The following RNF216 variants were observed in gnomAD, a reference collection of about 807,000 sequenced individuals.
The protein encoded by RNF216 is ring finger protein 216.
A neutral mutation model predicts 110.8 loss-of-function variants in RNF216; 72 were observed. That is an observed-to-expected ratio of 0.65 (90% CI 0.54 to 0.79). The LOEUF (loss-of-function observed/expected upper bound fraction) is 0.79. RNF216 is among the 30% of genes least tolerant of loss of function. RNF216 has a pLI of 0.00. For synonymous variants in RNF216, 495 were observed against 407.5 expected (o/e 1.21, Z -2.59); for missense variants, 1,342 against 1,141.2 (o/e 1.18, Z -2.54).
In RNF216 at chr7:5,739,441, A is replaced by G. The variant is rs569862655; in HGVS notation, c.1045-89T>C. On this transcript the variant is annotated intron_variant, in intron 4 of 16. Transcript: ENST00000389902. ...AGACAGATGGCAAAAAGTATAATAA[A>G]ATGACTAAAGACTAGAAAAGGGCTG... 315 of 1,306,178 alleles carry G rather than the reference A, an allele frequency of 2.4e-4. 1 individual carries two copies. In the South Asian group the frequency reaches 3.7e-3, roughly 15 times the overall value. The allele number at this position is 1,306,178 out of a possible 1,614,324, so 80.9% of individuals were successfully genotyped here. A position where few individuals can be genotyped will look rare whatever the true frequency, so the allele number is the denominator to read the frequency against.
At chr7:5,718,471 T>C (rs1793203777) in intron 9 of RNF216, among the ~76,000 whole-genome samples, 1 of 152,036 alleles carries the variant, frequency 6.6e-6, no homozygotes, top group African/African-American at 2.4e-5. Flanking sequence ...ATTTCAGAAC[T>C]AAAATTTTTA....
intron 13 of RNF216, among the ~76,000 whole-genome samples, chr7:5,681,440 T>C (rs1309261282): frequency 1.3e-5 from 2 of 152,170 alleles, no homozygotes; most frequent in Non-Finnish European, 2.9e-5. Flanking sequence ...CCCAGCAGCT[T>C]CTAAGCTTCT....
chr7:5,710,753 T>C (rs1792628816), intron 13 of RNF216, among the ~76,000 whole-genome samples: 1 of 152,138 alleles, frequency 6.6e-6, no homozygotes. Context: ...ACCCTTTCCA[T>C]CCTTTGGCTA....
At chr7:5,762,385 C>T (rs1055347466) in intron 1 of RNF216, among the ~76,000 whole-genome samples, 3 of 151,106 alleles carry the variant, frequency 2.0e-5, no homozygotes, top group Non-Finnish European at 2.9e-5. Flanking sequence ...AGGCTGGGTG[C>T]GGTGGCTCAA....
chr7:5,708,345 A>G (rs1029324827), intron 13 of RNF216, among the ~76,000 whole-genome samples: 2 of 152,072 alleles, frequency 1.3e-5, no homozygotes, highest in African/African-American at 2.4e-5. Flanking sequence ...ATCTCCTACT[A>G]TTTTTGTGTT....
intron 10 of RNF216, among the ~76,000 whole-genome samples, chr7:5,715,873 T>C (rs1303879955): frequency 1.3e-5 from 2 of 150,684 alleles, no homozygotes; most frequent in African/African-American, 2.4e-5. Flanking sequence ...TCCCGAGTAG[T>C]GGGGATTACA....
rs550036156 is a variant in RNF216 at position 5,651,994 on chromosome 7, T to G, written c.2159+419A>C. Among the ~76,000 whole-genome samples the G allele has an allele frequency of 2.0e-5, 3 of 152,342 alleles. No individual in the cohort carries two copies. In the East Asian group the frequency reaches 5.8e-4, roughly 29 times the overall value. On this transcript the variant is annotated intron_variant, in intron 14 of 16. Coordinates refer to ENST00000389902, the MANE Select transcript of RNF216 (RefSeq NM_207111.4). The stretch of plus-strand genomic sequence containing the variant: ...TGTAATGTGCTCAGCCACACAGTAC[T>G]ATACAAGTAATGGTTATTATTATCA...
chr7:5,687,269 G>A lies in RNF216; in HGVS notation c.2061+24492C>T, dbSNP rs191533754. ...AAATAAACTGGGCATGGTGGCGGGC[G>A]CCTGTAATCTCAGCTACTTGGGAGG... On this transcript the variant is annotated intron_variant, in intron 13 of 16. Transcript: ENST00000389902. 4.4e-3 allele frequency among the ~76,000 whole-genome samples: 664 copies of A among 151,700 alleles called. 3 individuals carry two copies. The highest frequency in any genetic ancestry group is 0.015 in the African/African-American group (633 of 41,354).
intron 15 of RNF216, among the ~76,000 whole-genome samples, chr7:5,640,330 T>C (rs1374841431): frequency 6.6e-6 from 1 of 152,198 alleles, no homozygotes; most frequent in East Asian, 1.9e-4. Flanking sequence ...ATAAAAGTCA[T>C]TCCCTTCATG....
chr7:5,763,287 G>T (rs569253055), intron 1 of RNF216, among the ~76,000 whole-genome samples: 1 of 152,242 alleles, frequency 6.6e-6, no homozygotes, highest in African/African-American at 2.4e-5. Context: ...AAAACTCACT[G>T]AACTATATAC....
At chr7:5,778,890 C>A (rs996203876) in intron 1 of RNF216, among the ~76,000 whole-genome samples, 5 of 152,168 alleles carry the variant, frequency 3.3e-5, no homozygotes, top group Admixed American at 3.3e-4. Flanking sequence ...ATTACAGGCG[C>A]ACGCCATCAC....
At chr7:5,773,172 T>C (rs1584622410) in intron 1 of RNF216, among the ~76,000 whole-genome samples, 2 of 152,264 alleles carry the variant, frequency 1.3e-5, no homozygotes, top group East Asian at 3.9e-4. Context: ...ATAAGTAGCA[T>C]GGTATTTAAA....
intron 15 of RNF216, among the ~76,000 whole-genome samples, chr7:5,629,121 G>T (rs1429929027): frequency 6.6e-6 from 1 of 151,396 alleles, no homozygotes; most frequent in African/African-American, 2.4e-5. Context: ...GCTTGAAGCT[G>T]CAGGTGGAGA....
rs914947821 is a variant in RNF216 at position 5,622,463 on chromosome 7, C to G, written c.*397G>C. 1 of 173,034 alleles carries G rather than the reference C, an allele frequency of 5.8e-6. No individual in the cohort carries two copies. The highest frequency in any genetic ancestry group is 1.2e-5 in the Non-Finnish European group (1 of 82,160). 10.7% of individuals were successfully genotyped at this position (173,034 alleles called of 1,614,324 possible). The stretch of plus-strand genomic sequence containing the variant: ...AGGTGCAGCCCCCTCTGCCCTTGGC[C>G]CAACCGTGGGCCCCTCCAGGGAGAT... On this transcript the variant is annotated 3_prime_UTR_variant, in exon 17 of 17. Coordinates refer to ENST00000389902, the MANE Select transcript of RNF216 (RefSeq NM_207111.4).
intron 14 of RNF216, among the ~76,000 whole-genome samples, chr7:5,646,000 C>T (rs1260450346): frequency 6.6e-6 from 1 of 152,184 alleles, no homozygotes; most frequent in Non-Finnish European, 1.5e-5. Flanking sequence ...TTTAAGACAG[C>T]TGATTCAAAG....
chr7:5,669,558 C>T (rs1789761041), intron 13 of RNF216, among the ~76,000 whole-genome samples: 1 of 152,166 alleles, frequency 6.6e-6, no homozygotes, highest in African/African-American at 2.4e-5. Context: ...AAATCAAGAC[C>T]TAAACTTTGT....
chr7:5,740,104 C>CTTTTTTTTTTTTTTTTTTTTTTTTTTTTT (rs71004698), intron 4 of RNF216, among the ~76,000 whole-genome samples: 2 of 118,502 alleles, frequency 1.7e-5, no homozygotes, highest in Non-Finnish European at 3.5e-5. Flanking sequence ...GATGTAACAC[C>CTTTTTTTTTTTTTTTTTTTTTTTTTTTTT]TTTTTTTTTT....
intron 15 of RNF216, among the ~76,000 whole-genome samples, chr7:5,632,014 G>A (rs1339906580): frequency 3.3e-5 from 5 of 152,240 alleles, no homozygotes; most frequent in Non-Finnish European, 7.3e-5. Flanking sequence ...GACCACCAAG[G>A]TGGGCAGTGT....
At chr7:5,732,822 C>T (rs532828045) in intron 5 of RNF216, 96 of 152,340 alleles carry the variant, frequency 6.3e-4, no homozygotes, top group African/African-American at 2.0e-3. Flanking sequence ...ATCTGACATG[C>T]TAGCAGTTCT....
Sources: gnomAD v4.1 joint callset for allele counts (sites outside exome capture counted in the v4.1 genomes callset) on GRCh38, gnomAD v4.1.1 for gene constraint, MANE v1.5 for transcripts, NCBI Gene and HGNC (gene_info 2026-07-23, HGNC 2026-07-21) for gene names.